Variants in NLRP14 observed in about 807,000 individuals in gnomAD.
The protein encoded by NLRP14 is NACHT, LRR and PYD domains-containing protein 14.
NLRP14 carries 105 observed loss-of-function variants against 94.7 expected under a neutral mutation model. That is an observed-to-expected ratio of 1.11 (90% CI 0.95 to 1.30). The LOEUF is 1.30. NLRP14 is among the 50% of genes most tolerant of loss of function. NLRP14 has a pLI of 0.00. For synonymous variants in NLRP14, 508 were observed against 459.9 expected, an observed-to-expected ratio of 1.10 and a Z score of -1.34; for missense variants, 1,362 against 1,254.1, an observed-to-expected ratio of 1.09 and a Z score of -1.30.
chr11:7,071,040 A>C, intron 11 of NLRP14, 133 bp from the exon 12 acceptor site: 1 of 955,334 alleles, frequency 1.0e-6, no homozygotes, highest in Non-Finnish European at 1.6e-6. Flanking sequence ...CCCACTCCTC[A>C]CCCATGTTAT....
At chr11:7,027,811 A>G (rs1198301291) in intron 1 of NLRP14, among the ~76,000 whole-genome samples, 3 of 152,156 alleles carry the variant, frequency 2.0e-5, no homozygotes, top group Admixed American at 1.3e-4. Flanking sequence ...ATCTCGTTCT[A>G]TCAGCAGAAT....
At chr11:7,032,901 A>G (rs996171043) in intron 1 of NLRP14, among the ~76,000 whole-genome samples, 3 of 152,218 alleles carry the variant, frequency 2.0e-5, no homozygotes, top group African/African-American at 7.2e-5. Flanking sequence ...GTGTTCACTC[A>G]TGTAAAACAT....
Position 7,046,692 on chromosome 11 carries a change from T to C in NLRP14, c.1983T>C (p.Cys661=), listed in dbSNP as rs763049415. ...GGGATGGTGATCGCATTACTCACTG[T>C]TGGCAAGATCTCTGTTCTGTGCTTC... ...NTWDGDRITH[C]WQDLCSVLHT... Residue 661 remains cysteine, a synonymous_variant, in exon 5 of 12, where the codon TGT becomes TGC. Transcript: ENST00000299481. 3 of 1,613,944 alleles carry C rather than the reference T, an allele frequency of 1.9e-6. No individual in the cohort carries two copies. The highest frequency in any genetic ancestry group is 2.2e-5 in the South Asian group (2 of 91,078).
intron 10 of NLRP14, among the ~76,000 whole-genome samples, chr11:7,064,862 T>A (rs1589873201): frequency 6.6e-6 from 1 of 151,982 alleles, no homozygotes; most frequent in South Asian, 2.1e-4. Context: ...TTTTATCCCC[T>A]CTGCTTGGTA....
rs779973341 is a variant in NLRP14, at chr11:7,038,561, C to T, written c.-21-5C>T. 12 of 1,610,908 alleles carry T rather than the reference C, an allele frequency of 7.4e-6. No homozygotes were observed. In the Admixed American group the frequency reaches 1.7e-4, roughly 22 times the overall value. On this transcript the variant is annotated splice_region_variant and splice_polypyrimidine_tract_variant and intron_variant, in intron 1 of 11. Transcript: ENST00000299481. ...TGCTTTTGGTTATTTTTTTTCCCCCCACAGAGGCCTGAATATTTGGACAAG... is the reference window on the plus strand; with the variant it reads ...TGCTTTTGGTTATTTTTTTTCCCCCTACAGAGGCCTGAATATTTGGACAAG...
chr11:7,079,381 G>A, the NLRP14 span, among the ~76,000 whole-genome samples: 12 of 152,002 alleles, frequency 7.9e-5, no homozygotes, highest in South Asian at 2.1e-4. Flanking sequence ...ACCTTCACTC[G>A]TCATTCAGAT....
chr11:7,051,809 G>A (rs563209797), intron 6 of NLRP14, among the ~76,000 whole-genome samples: 1 of 152,136 alleles, frequency 6.6e-6, no homozygotes, highest in Non-Finnish European at 1.5e-5. Context: ...TTTTAGTAGA[G>A]ATGGGGTTTC....
Position 7,049,745 on chromosome 11 carries a change from A to C in NLRP14, c.2198A>C (p.His733Pro). ...TSLIHNKNLM[H>P]LDLKGSDIGD... is the part of the protein sequence containing the mutation. Reference sequence around the variant, plus strand: ...TTGATTCATAACAAGAATCTGATGCATCTTGACCTAAAAGGGAGTGATATA... The same window carrying C: ...TTGATTCATAACAAGAATCTGATGCCTCTTGACCTAAAAGGGAGTGATATA... The change falls in exon 6 of 12, where the codon CAT becomes CCT. Residue 733 changes from histidine (H) to proline (P), a missense_variant. Physicochemically the swap from His to Pro is moderately conservative, Grantham distance 77. Transcript: ENST00000299481. The C allele has an allele frequency of 6.2e-7, 1 of 1,609,366 alleles. No homozygotes were observed. The highest frequency in any genetic ancestry group is 8.5e-7 in the Non-Finnish European group (1 of 1,175,692).
chr11:7,022,549 G>A (rs1851962025), intron 1 of NLRP14, among the ~76,000 whole-genome samples: 1 of 152,134 alleles, frequency 6.6e-6, no homozygotes, highest in Non-Finnish European at 1.5e-5. Context: ...GATGAAAAGG[G>A]AATCTTTAAG....
chr11:7,057,988 C>T (rs1852543669), intron 7 of NLRP14, 141 bp downstream of exon 7: 2 of 748,500 alleles, frequency 2.7e-6, no homozygotes, highest in Non-Finnish European at 4.8e-6. Flanking sequence ...CATGCATCCC[C>T]CTTCTCTTCC....
chr11:7,054,632 T>G (rs1852493490), intron 6 of NLRP14, among the ~76,000 whole-genome samples: 1 of 152,182 alleles, frequency 6.6e-6, no homozygotes, highest in South Asian at 2.1e-4. Flanking sequence ...TCTTGCCCAT[T>G]TTAATTGGAT....
chr11:7,046,924 A>G, intron 5 of NLRP14, 92 bp downstream of exon 5: 1 of 926,762 alleles, frequency 1.1e-6, no homozygotes. Context: ...AGCCAATGCT[A>G]AACAAATACT....
intron 1 of NLRP14, among the ~76,000 whole-genome samples, chr11:7,027,121 C>G (rs1852027744): frequency 6.6e-6 from 1 of 151,738 alleles, no homozygotes; most frequent in Non-Finnish European, 1.5e-5. Flanking sequence ...GCCACATGCA[C>G]CTAACTCCAG....
At chr11:7,089,033 G>A in the NLRP14 span, 1 of 1,474,688 alleles carries the variant, frequency 6.8e-7, no homozygotes, top group Non-Finnish European at 9.3e-7. Flanking sequence ...ACCAGTAGGA[G>A]CCGCCCTCGA....
the NLRP14 span, among the ~76,000 whole-genome samples, chr11:7,082,363 C>T: frequency 1.3e-5 from 2 of 152,018 alleles, no homozygotes; most frequent in Non-Finnish European, 2.9e-5. Flanking sequence ...AAAATAAAGT[C>T]GAAAGATGCT....
chr11:7,054,607 A>G (rs1012602988), intron 6 of NLRP14, among the ~76,000 whole-genome samples: 21 of 152,106 alleles, frequency 1.4e-4, no homozygotes, highest in African/African-American at 4.8e-4. Context: ...CTTTTGAGAA[A>G]TATCTATTCA....
chr11:7,059,016 G>A (rs1413454717), intron 8 of NLRP14, among the ~76,000 whole-genome samples: 1 of 151,736 alleles, frequency 6.6e-6, no homozygotes. Flanking sequence ...CACCCTCATT[G>A]GACATCTACA....
intron 1 of NLRP14, among the ~76,000 whole-genome samples, chr11:7,022,498 A>G (rs1334301931): frequency 6.6e-6 from 1 of 152,242 alleles, no homozygotes; most frequent in Non-Finnish European, 1.5e-5. Context: ...AATTGGAGTC[A>G]AGTCTGACAA....
intron 6 of NLRP14, among the ~76,000 whole-genome samples, chr11:7,050,620 T>G (rs1852427887): frequency 6.6e-6 from 1 of 152,258 alleles, no homozygotes; most frequent in Admixed American, 6.5e-5. Flanking sequence ...AAAGTAGATC[T>G]GTATTTGTAG....
Sources: gnomAD v4.1 joint callset for allele counts (sites outside exome capture counted in the v4.1 genomes callset) on GRCh38, gnomAD v4.1.1 for gene constraint, MANE v1.5 for transcripts, NCBI Gene and HGNC (gene_info 2026-07-23, HGNC 2026-07-21) for gene names.